PRMT3: variants seen among roughly 807,000 people sequenced by gnomAD.
PRMT3 encodes the protein protein arginine N-methyltransferase 3.
PRMT3 carries 62 observed loss-of-function variants against 71.9 expected under a neutral mutation model. The ratio of observed to expected loss-of-function variants is 0.86; its 90% CI spans 0.70 to 1.07. The LOEUF is 1.07. Among genes scored for constraint, PRMT3 ranks in the 50% least tolerant of loss-of-function variants. The pLI, the probability that PRMT3 is intolerant of heterozygous loss-of-function variation, is 0.00. For missense variants in PRMT3, 663 were observed against 643.0 expected (o/e 1.03, Z -0.34); for synonymous variants, 213 against 220.4 (o/e 0.97, Z 0.30).
intron 13 of PRMT3, among the ~76,000 whole-genome samples, chr11:20,485,731 G>A (rs184001654): frequency 1.3e-5 from 2 of 152,264 alleles, no homozygotes; most frequent in Non-Finnish European, 2.9e-5. Context: ...ATGTAAATGG[G>A]CATCCCAGAG....
At position 20,502,800 on chromosome 11, in the gene PRMT3, C is replaced by T. The variant is rs545044305; in HGVS notation, c.1487-5504C>T. Reference sequence around the variant, plus strand: ...AGCAGCAACCATCAGAACAAATGTACAAAAATGAAATATTTACTAGCAATA... The same window carrying T: ...AGCAGCAACCATCAGAACAAATGTATAAAAATGAAATATTTACTAGCAATA... On this transcript the variant is annotated intron_variant, in intron 15 of 15. Coordinates refer to ENST00000331079, the MANE Select transcript of PRMT3 (RefSeq NM_005788.4). Among the ~76,000 whole-genome samples the T allele has an allele frequency of 1.2e-4, 18 of 152,110 alleles. No individual in the cohort carries two copies. The South Asian group carries it at 3.5e-3, about 30-fold the overall frequency.
In PRMT3 at chr11:20,508,707, G is replaced by T; in HGVS notation, c.*294G>T. ...ATCTATATTGAAAATCATTTACATT[G>T]GCCTATATTTGGAAGAGAGATAGTC... On this transcript the variant is annotated 3_prime_UTR_variant, in exon 16 of 16. Transcript: ENST00000331079. 2 of 443,914 alleles carry T rather than the reference G, an allele frequency of 4.5e-6. No homozygotes were observed. Among genetic ancestry groups the T allele is most frequent in the African/African-American group, 2.0e-5 (1 of 50,382 alleles). 27.5% of individuals were successfully genotyped at this position (443,914 alleles called of 1,614,324 possible). A position where few individuals can be genotyped will look rare whatever the true frequency, so the allele number is the denominator to read the frequency against.
intron 13 of PRMT3, among the ~76,000 whole-genome samples, chr11:20,471,537 T>C (rs1397664470): frequency 1.3e-5 from 2 of 152,166 alleles, no homozygotes; most frequent in African/African-American, 4.8e-5. Flanking sequence ...TGAAGTCTTA[T>C]TTCTGAGCTC....
At chr11:20,481,339 T>G (rs1192217983) in intron 13 of PRMT3, among the ~76,000 whole-genome samples, 1 of 151,952 alleles carries the variant, frequency 6.6e-6, no homozygotes, top group African/African-American at 2.4e-5. Context: ...ATTGTGAACA[T>G]GTGCCCCAAA....
At chr11:20,468,572 T>C (rs1242614946) in intron 13 of PRMT3, among the ~76,000 whole-genome samples, 1 of 152,166 alleles carries the variant, frequency 6.6e-6, no homozygotes, top group Non-Finnish European at 1.5e-5. Context: ...TTTCACTGTG[T>C]TGGCTGTGCT....
At chr11:20,433,051 G>A (rs907780453) in intron 10 of PRMT3, among the ~76,000 whole-genome samples, 2 of 151,532 alleles carry the variant, frequency 1.3e-5, no homozygotes, top group African/African-American at 4.9e-5. Flanking sequence ...TTTTTTAGTG[G>A]CTTTTTTTTT....
intron 15 of PRMT3, among the ~76,000 whole-genome samples, chr11:20,501,853 AAT>A (rs1184635365): frequency 6.6e-6 from 1 of 152,182 alleles, no homozygotes; most frequent in Non-Finnish European, 1.5e-5. Context: ...TGGCTTTGAA[AAT>A]ATAAAATCAG....
chr11:20,462,835 A>G (rs1161580264), intron 12 of PRMT3, among the ~76,000 whole-genome samples: 1 of 151,666 alleles, frequency 6.6e-6, no homozygotes, highest in East Asian at 1.9e-4. Flanking sequence ...CTAGAGCAGT[A>G]TGTTCAGTGT....
At chr11:20,402,678 G>C (rs974734282) in intron 7 of PRMT3, among the ~76,000 whole-genome samples, 4 of 152,108 alleles carry the variant, frequency 2.6e-5, no homozygotes, top group Admixed American at 1.3e-4. Context: ...AGAGGAAAAT[G>C]TACGCATTTT....
chr11:20,389,632 A>G (rs1848668742), intron 2 of PRMT3, 112 bp from the exon 3 acceptor site: 6 of 634,346 alleles, frequency 9.5e-6, no homozygotes, highest in Non-Finnish European at 1.5e-5. Context: ...AATTGGAAGT[A>G]AAACTAGAAA....
rs77878062 is a variant in PRMT3 at position 20,472,831 on chromosome 11, G to A, written c.1347+8285G>A. On this transcript the variant is annotated intron_variant, in intron 13 of 15. Transcript: ENST00000331079. ...TTTGTACCTCTGGTAGAATTAAGCTGTGAATCTATCTGGTCCTGGGCTTTT... is the reference window on the plus strand; with the variant it reads ...TTTGTACCTCTGGTAGAATTAAGCTATGAATCTATCTGGTCCTGGGCTTTT... 3.0e-3 allele frequency among the ~76,000 whole-genome samples: 392 copies of A among 131,786 alleles called. 4 individuals carry two copies. Among genetic ancestry groups the A allele is most frequent in the African/African-American group, 0.01 (373 of 35,800 alleles). The allele number at this position is 131,786 out of a possible 152,430, so 86.5% of individuals were successfully genotyped here.
intron 13 of PRMT3, among the ~76,000 whole-genome samples, chr11:20,486,963 A>G (rs929772835): frequency 6.6e-6 from 1 of 152,056 alleles, no homozygotes; most frequent in African/African-American, 2.4e-5. Context: ...AGGCTGAGGC[A>G]GGAGAATTGC....
At chr11:20,401,829 T>C (rs1480779178) in intron 7 of PRMT3, among the ~76,000 whole-genome samples, 1 of 152,162 alleles carries the variant, frequency 6.6e-6, no homozygotes, top group Non-Finnish European at 1.5e-5. Context: ...GGTCACAGGT[T>C]ATGGGAGACT....
intron 8 of PRMT3, among the ~76,000 whole-genome samples, chr11:20,404,133 A>C (rs911741860): frequency 2.1e-5 from 3 of 142,494 alleles, no homozygotes; most frequent in African/African-American, 7.6e-5. Flanking sequence ...TTCATTTAAA[A>C]ATTATAGTTA....
At chr11:20,451,997 G>A (rs1314819854) in intron 10 of PRMT3, 133 bp from the exon 11 acceptor site, 6 of 527,296 alleles carry the variant, frequency 1.1e-5, no homozygotes, top group Non-Finnish European at 1.8e-5. Flanking sequence ...TTCAGATTTT[G>A]CAGAATATTA....
At chr11:20,441,796 T>G (rs1194937106) in intron 10 of PRMT3, among the ~76,000 whole-genome samples, 1 of 150,906 alleles carries the variant, frequency 6.6e-6, no homozygotes, top group East Asian at 2.0e-4. Context: ...AGGTTTTTTT[T>G]TTTTTTTTTT....
intron 12 of PRMT3, 135 bp downstream of exon 12, chr11:20,462,302 A>G: frequency 1.6e-6 from 1 of 630,212 alleles, no homozygotes; most frequent in Non-Finnish European, 2.6e-6. Flanking sequence ...TCTAAAACAA[A>G]TTGAGGTCAT....
chr11:20,405,301 C>A (rs1849045321), intron 8 of PRMT3: 1 of 151,958 alleles, frequency 6.6e-6, no homozygotes, highest in Admixed American at 6.6e-5. Flanking sequence ...TGATTATTAT[C>A]TACAGTTAAA....
rs541300721 is a variant in PRMT3, at chr11:20,449,253, T to C, written c.994-2877T>C. On this transcript the variant is annotated intron_variant, in intron 10 of 15. Coordinates refer to ENST00000331079, the MANE Select transcript of PRMT3 (RefSeq NM_005788.4). ...ATTTGCATTGATTTTTCCAAACTAA[T>C]ATTTTCACAATGAATAGTGGCTAAG... Among the ~76,000 whole-genome samples, 11 of 152,326 alleles carry C rather than the reference T, an allele frequency of 7.2e-5. No individual in the cohort carries two copies. In the East Asian group the frequency reaches 1.7e-3, roughly 24 times the overall value.
Sources: allele counts gnomAD v4.1 joint callset (sites outside exome capture counted in the v4.1 genomes callset), GRCh38; gene constraint gnomAD v4.1.1; transcripts MANE v1.5; gene names NCBI Gene and HGNC (gene_info 2026-07-23, HGNC 2026-07-21).